Variants in CDK14 observed in about 807,000 individuals in gnomAD.
The protein encoded by CDK14 is cyclin dependent kinase 14.
CDK14 carries 34 observed loss-of-function variants against 60.7 expected under a neutral mutation model. The ratio of observed to expected loss-of-function variants is 0.56; its 90% confidence interval spans 0.43 to 0.75. The LOEUF (loss-of-function observed/expected upper bound fraction) is 0.75. Among genes scored for constraint, CDK14 ranks in the 30% least tolerant of loss-of-function variants. The pLI is 0.00. For missense variants in CDK14, 482 were observed against 564.1 expected, an observed-to-expected ratio of 0.85 and a Z score of 1.47; for synonymous variants, 197 against 203.7, an observed-to-expected ratio of 0.97 and a Z score of 0.28.
intron 11 of CDK14, among the ~76,000 whole-genome samples, chr7:91,047,946 G>A (rs1212006365): frequency 1.3e-5 from 2 of 152,066 alleles, no homozygotes; most frequent in Non-Finnish European, 1.5e-5. Context: ...AGCCCAAAAA[G>A]GAAAATATCA....
intron 10 of CDK14, among the ~76,000 whole-genome samples, chr7:90,984,877 C>CTT (rs1385165855): frequency 1.3e-5 from 2 of 152,166 alleles, no homozygotes; most frequent in Admixed American, 6.5e-5. Context: ...GACTGGTAGT[C>CTT]TTCAAAACTG....
At chr7:91,001,835 A>C (rs902516192) in intron 10 of CDK14, among the ~76,000 whole-genome samples, 9 of 152,348 alleles carry the variant, frequency 5.9e-5, no homozygotes, top group Non-Finnish European at 1.3e-4. Flanking sequence ...GCTTAAACCC[A>C]GTTGTTGTCT....
rs567770887 is a variant in CDK14, at chr7:90,729,930, T to C, written c.369+3118T>C. 7.9e-5 allele frequency among the ~76,000 whole-genome samples: 12 copies of C among 152,232 alleles called. No individual in the cohort carries two copies. The East Asian group carries it at 2.1e-3, about 27-fold the overall frequency. On this transcript the variant is annotated intron_variant, in intron 3 of 14. Coordinates refer to ENST00000380050, the MANE Select transcript of CDK14 (RefSeq NM_001287135.2). ...GGGGTACATGTGCAGAACATGCAGGTTTGTTACATAGGTATACACTTGCCA... is the reference window on the plus strand; with the variant it reads ...GGGGTACATGTGCAGAACATGCAGGCTTGTTACATAGGTATACACTTGCCA...
rs1291412844 is a variant in CDK14 at position 90,766,045 on chromosome 7, A to G, written c.464+18270A>G. Among the ~76,000 whole-genome samples, 3 of 152,224 alleles carry G rather than the reference A, an allele frequency of 2.0e-5. 1 individual carries two copies. In the Middle Eastern group the frequency reaches 9.5e-3, roughly 482 times the overall value. On this transcript the variant is annotated intron_variant, in intron 4 of 14. Coordinates refer to ENST00000380050, the MANE Select transcript of CDK14 (RefSeq NM_001287135.2). ...CATCTCATTTAGGATCTAGACGTAT[A>G]AGAAAATTATCCTTCTTAAATATCT...
chr7:90,618,340 T>A (rs1799695647), intron 2 of CDK14, among the ~76,000 whole-genome samples: 1 of 152,202 alleles, frequency 6.6e-6, no homozygotes, highest in African/African-American at 2.4e-5. Flanking sequence ...TTTCTCTCCT[T>A]TTCCTTTACG....
At chr7:91,158,848 C>A (rs1440710071) in intron 14 of CDK14, among the ~76,000 whole-genome samples, 1 of 151,972 alleles carries the variant, frequency 6.6e-6, no homozygotes, top group African/African-American at 2.4e-5. Flanking sequence ...GAGGCAACCC[C>A]CCAAAAAGTT....
chr7:91,165,923 G>C (rs1298943436), intron 14 of CDK14, among the ~76,000 whole-genome samples: 4 of 152,130 alleles, frequency 2.6e-5, no homozygotes, highest in African/African-American at 9.7e-5. Context: ...CAGCATACTT[G>C]ACAATTAGTG....
intron 14 of CDK14, among the ~76,000 whole-genome samples, chr7:91,186,232 CCTCCCCTCCCCTCTCCTCT>C: frequency 1.0e-4 from 1 of 9,952 alleles, no homozygotes; most frequent in East Asian, 4.1e-3. Context: ...CCTCTCCTCT[CCTCCCCTCCCCTCTCCTCT>C]CCTCCCCTCC....
chr7:90,894,918 T>G (rs1305894382), intron 6 of CDK14, among the ~76,000 whole-genome samples: 7 of 152,206 alleles, frequency 4.6e-5, no homozygotes, highest in African/African-American at 1.7e-4. Flanking sequence ...TTTAATGCCA[T>G]ATTGAATTTT....
intron 12 of CDK14, 82 bp from the exon 13 acceptor site, chr7:91,112,460 C>T: frequency 6.9e-7 from 1 of 1,441,788 alleles, no homozygotes. Context: ...AATTGAAATC[C>T]AGAAAAATTA....
chr7:90,860,228 T>C (rs1790960492), intron 5 of CDK14, among the ~76,000 whole-genome samples: 1 of 151,106 alleles, frequency 6.6e-6, no homozygotes, highest in Admixed American at 6.6e-5. Context: ...AATTTTTTTT[T>C]AACATTTTCC....
chr7:91,058,274 T>A (rs547909994), intron 11 of CDK14, among the ~76,000 whole-genome samples: 1 of 152,246 alleles, frequency 6.6e-6, no homozygotes, highest in African/African-American at 2.4e-5. Context: ...GAGACTTTGC[T>A]GAAGTTGCTT....
At chr7:91,193,599 GGT>G (rs1562989838) in intron 14 of CDK14, among the ~76,000 whole-genome samples, 2 of 151,944 alleles carry the variant, frequency 1.3e-5, no homozygotes, top group Non-Finnish European at 2.9e-5. Flanking sequence ...AATGGAAGTT[GGT>G]TTCAAATTAC....
Position 91,119,894 on chromosome 7 carries a change from C to A in CDK14, c.*28+1686C>A, listed in dbSNP as rs148163024. ...TCCCTGTTGAATAAAAAGCACAACTCTCGGTTGCATTTGTACTCCCACTCT... is the reference window on the plus strand; with the variant it reads ...TCCCTGTTGAATAAAAAGCACAACTATCGGTTGCATTTGTACTCCCACTCT... On this transcript the variant is annotated intron_variant, in intron 14 of 14. Transcript: ENST00000380050. 2.6e-3 allele frequency among the ~76,000 whole-genome samples: 403 copies of A among 152,286 alleles called. 2 individuals are homozygous for A. Among genetic ancestry groups the A allele is most frequent in the African/African-American group, 9.1e-3 (377 of 41,548 alleles).
intron 12 of CDK14, among the ~76,000 whole-genome samples, chr7:91,084,936 G>A (rs1798592307): frequency 6.6e-6 from 1 of 152,212 alleles, no homozygotes; most frequent in Non-Finnish European, 1.5e-5. Flanking sequence ...GCTTCTAGAG[G>A]CAGCTGGGCT....
chr7:90,933,756 A>C (rs1793665665), intron 8 of CDK14, among the ~76,000 whole-genome samples: 1 of 152,188 alleles, frequency 6.6e-6, no homozygotes, highest in South Asian at 2.1e-4. Context: ...AAAGGTAGGT[A>C]AGGTTTATGT....
At chr7:90,808,623 C>T (rs933914425) in intron 5 of CDK14, among the ~76,000 whole-genome samples, 1 of 152,106 alleles carries the variant, frequency 6.6e-6, no homozygotes, top group Non-Finnish European at 1.5e-5. Context: ...AAGATATTAA[C>T]CTTAAATGTA....
At chr7:90,944,067 G>A (rs1052767034) in intron 8 of CDK14, among the ~76,000 whole-genome samples, 4 of 152,106 alleles carry the variant, frequency 2.6e-5, no homozygotes, top group African/African-American at 9.7e-5. Context: ...ATCATGTTTT[G>A]CCCTTTTGTA....
intron 14 of CDK14, among the ~76,000 whole-genome samples, chr7:91,193,076 G>A (rs1007595255): frequency 3.3e-5 from 5 of 152,162 alleles, no homozygotes; most frequent in African/African-American, 1.2e-4. Context: ...ACAACAAGGT[G>A]TCTCTAGATC....
Sources: gnomAD v4.1 joint callset for allele counts (sites outside exome capture counted in the v4.1 genomes callset) on GRCh38, gnomAD v4.1.1 for gene constraint, MANE v1.5 for transcripts, NCBI Gene and HGNC (gene_info 2026-07-23, HGNC 2026-07-21) for gene names.